The following GPR157 variants were observed in gnomAD, a reference collection of about 807,000 sequenced individuals.
GPR157 encodes G protein-coupled receptor 157, also known as G-protein coupled receptor 157.
A neutral mutation model predicts 23.5 loss-of-function variants in GPR157; 16 were observed. That is an observed-to-expected ratio of 0.68 (90% CI 0.46 to 1.04). GPR157 has a LOEUF of 1.04. Among genes scored for constraint, GPR157 ranks in the 50% least tolerant of loss-of-function variants. GPR157 has a pLI of 0.00. For synonymous variants in GPR157, 200 were observed against 221.5 expected, an observed-to-expected ratio of 0.90 and a Z score of 0.86; for missense variants, 440 against 460.7, an observed-to-expected ratio of 0.96 and a Z score of 0.41.
chr1:9,123,152 G>A (rs1209404641), intron 1 of GPR157, among the ~76,000 whole-genome samples: 2 of 122,922 alleles, frequency 1.6e-5, no homozygotes, highest in African/African-American at 7.0e-5. Context: ...GAGTGAAACT[G>A]TCTTGGGTGG....
intron 2 of GPR157, among the ~76,000 whole-genome samples, chr1:9,109,777 C>T (rs1476866320): frequency 2.0e-5 from 3 of 152,054 alleles, no homozygotes; most frequent in Non-Finnish European, 2.9e-5. Context: ...GGGTCTAGGG[C>T]GGGTGAGAAC....
Position 9,111,452 on chromosome 1 carries a change from C to T in GPR157, c.421G>A (p.Ala141Thr), listed in dbSNP as rs1326277930. 4 of 1,613,910 alleles carry T rather than the reference C, an allele frequency of 2.5e-6. No homozygotes were observed. The highest frequency in any genetic ancestry group is 4.5e-5 in the East Asian group (2 of 44,880). ...VPLVITVAAV[A>T]LKKIGYDASD... ...GCGTCATAGCCAATCTTCTTCAGGG[C>T]GACGGCTGCCACAGTGATGACCAAC... Residue 141 changes from alanine (A) to threonine (T), a missense_variant, in exon 2 of 4, where the codon GCC becomes ACC. Physicochemically the swap from Ala to Thr is moderately conservative, Grantham distance 58. Coordinates refer to ENST00000377411, the MANE Select transcript of GPR157 (RefSeq NM_024980.5).
intron 1 of GPR157, among the ~76,000 whole-genome samples, chr1:9,126,149 G>A (rs971937241): frequency 1.3e-5 from 2 of 152,010 alleles, no homozygotes; most frequent in Non-Finnish European, 2.9e-5. Context: ...GTAGAGACGC[G>A]GTTTTGCCAT....
chr1:9,103,096 TCC>T lies in GPR157; in HGVS notation c.*1321_*1322del, dbSNP rs1642585336. 1.8e-5 allele frequency: 1 copy of T among 55,764 alleles called. No homozygotes were observed. The highest frequency in any genetic ancestry group is 3.3e-5 in the Non-Finnish European group (1 of 30,504). The allele number at this position is 55,764 out of a possible 1,614,324, so 3.5% of individuals were successfully genotyped here. A position where few individuals can be genotyped will look rare whatever the true frequency, so the allele number is the denominator to read the frequency against. Reference sequence around the variant, plus strand: ...TCAGCTCCGGGCGACAGAATGAGGCTCCTTTTTTAAAAAAAAAAAAAAAAAAA... The same window carrying T: ...TCAGCTCCGGGCGACAGAATGAGGCTTTTTTTAAAAAAAAAAAAAAAAAAA... On this transcript the variant is annotated 3_prime_UTR_variant, in exon 4 of 4. Coordinates refer to ENST00000377411, the MANE Select transcript of GPR157 (RefSeq NM_024980.5).
intron 1 of GPR157, among the ~76,000 whole-genome samples, chr1:9,115,569 T>C (rs920788281): frequency 6.6e-6 from 1 of 152,114 alleles, no homozygotes; most frequent in Non-Finnish European, 1.5e-5. Context: ...ACTTCTTTGC[T>C]GAATCAGGTA....
chr1:9,123,535 T>TAAATATATATTTA, intron 1 of GPR157, among the ~76,000 whole-genome samples: 1 of 93,910 alleles, frequency 1.1e-5, no homozygotes, highest in Admixed American at 1.6e-4. Context: ...AATATATATT[T>TAAATATATATTTA]AAATATATCT....
At chr1:9,121,922 C>T (rs374566227) in intron 1 of GPR157, among the ~76,000 whole-genome samples, 19 of 152,254 alleles carry the variant, frequency 1.2e-4, no homozygotes, top group South Asian at 4.2e-4. Flanking sequence ...TGAACCGGCT[C>T]GGCCAGGACG....
At chr1:9,127,683 G>A (rs1638995270) in intron 1 of GPR157, among the ~76,000 whole-genome samples, 2 of 152,222 alleles carry the variant, frequency 1.3e-5, no homozygotes, top group Admixed American at 1.3e-4. Context: ...CTTGCCGTGT[G>A]ACACCCAGGT....
intron 1 of GPR157, among the ~76,000 whole-genome samples, chr1:9,112,166 C>T (rs533661045): frequency 6.6e-6 from 1 of 152,228 alleles, no homozygotes; most frequent in Admixed American, 6.5e-5. Context: ...AGCGTGCGAA[C>T]ACCTGTCCAT....
intron 1 of GPR157, among the ~76,000 whole-genome samples, chr1:9,119,623 C>G (rs1257193130): frequency 6.6e-6 from 1 of 152,120 alleles, no homozygotes; most frequent in Non-Finnish European, 1.5e-5. Flanking sequence ...TCCTGGCAGG[C>G]GGTACTATCC....
Position 9,104,522 on chromosome 1 carries a change from G to A in GPR157, c.905C>T (p.Pro302Leu). Reference sequence around the variant, plus strand: ...AGTGCCAGCCGGGCTCTTGGTGGGAGGCTGAGAAGAGCAGCAGCAGCAACA... The same window carrying A: ...AGTGCCAGCCGGGCTCTTGGTGGGAAGCTGAGAAGAGCAGCAGCAGCAACA... The part of the protein sequence containing the change: ...SLCCCCCSSQ[P>L]PTKSPAGTPK... Residue 302 changes from proline (P) to leucine (L), a missense_variant, in exon 4 of 4, where the codon CCT becomes CTT. Coordinates refer to ENST00000377411, the MANE Select transcript of GPR157 (RefSeq NM_024980.5). 1 of 1,613,954 alleles carries A rather than the reference G, an allele frequency of 6.2e-7. No homozygotes were observed. The highest frequency in any genetic ancestry group is 8.5e-7 in the Non-Finnish European group (1 of 1,179,984).
chr1:9,127,669 T>C (rs1284154322), intron 1 of GPR157, among the ~76,000 whole-genome samples: 1 of 152,214 alleles, frequency 6.6e-6, no homozygotes, highest in African/African-American at 2.4e-5. Flanking sequence ...TACAGCCCTG[T>C]AGCCTTGCCG....
chr1:9,127,592 G>A (rs1638990682), intron 1 of GPR157, among the ~76,000 whole-genome samples: 2 of 152,178 alleles, frequency 1.3e-5, no homozygotes, highest in South Asian at 4.1e-4. Flanking sequence ...GTACAGCTGA[G>A]AAGCAGGTCA....
At chr1:9,115,601 T>C (rs928328547) in intron 1 of GPR157, among the ~76,000 whole-genome samples, 3 of 152,072 alleles carry the variant, frequency 2.0e-5, no homozygotes, top group African/African-American at 7.2e-5. Context: ...CCCCCCACAC[T>C]GGGAGACTGT....
rs1639007777 is a variant in GPR157 at position 9,128,278 on chromosome 1, T to C, written c.383+367A>G. Reference sequence around the variant, plus strand: ...GCCCGGGACAGTTACCTAACTCGTCTCCCAGCCTGTTTCCCCATGGGCAGC... The same window carrying C: ...GCCCGGGACAGTTACCTAACTCGTCCCCCAGCCTGTTTCCCCATGGGCAGC... On this transcript the variant is annotated intron_variant, in intron 1 of 3. Transcript: ENST00000377411. The surrounding 1 kb of genome is among the most constrained non-coding windows in gnomAD (Gnocchi z 6.3). 2 of 524,422 alleles carry C rather than the reference T, an allele frequency of 3.8e-6. No homozygotes were observed. The highest frequency in any genetic ancestry group is 3.1e-5 in the South Asian group (2 of 65,214). The allele number at this position is 524,422 out of a possible 1,614,324, so 32.5% of individuals were successfully genotyped here.
intron 1 of GPR157, among the ~76,000 whole-genome samples, chr1:9,123,221 AATATATATTT>A (rs1557700465): frequency 2.8e-4 from 35 of 126,018 alleles, no homozygotes; most frequent in African/African-American, 1.0e-3. Context: ...TATTTATTAA[AATATATATTT>A]AAATATATAT....
intron 1 of GPR157, among the ~76,000 whole-genome samples, chr1:9,114,616 G>A (rs1557697183): frequency 6.6e-6 from 1 of 152,178 alleles, no homozygotes; most frequent in Non-Finnish European, 1.5e-5. Flanking sequence ...GAAACCGGGG[G>A]ACCACACGGA....
chr1:9,117,177 C>T (rs184947704), intron 1 of GPR157, among the ~76,000 whole-genome samples: 3 of 152,230 alleles, frequency 2.0e-5, no homozygotes, highest in Admixed American at 6.5e-5. Flanking sequence ...TAATACTGGT[C>T]GTATCTAACA....
At chr1:9,116,884 G>T (rs1365162804) in intron 1 of GPR157, among the ~76,000 whole-genome samples, 1 of 152,040 alleles carries the variant, frequency 6.6e-6, no homozygotes, top group Non-Finnish European at 1.5e-5. Flanking sequence ...GGGTACTACA[G>T]ACACATGCTA....
Sources: allele counts gnomAD v4.1 joint callset (sites outside exome capture counted in the v4.1 genomes callset), GRCh38; gene constraint gnomAD v4.1.1; non-coding constraint Gnocchi (gnomAD v3.1); transcripts MANE v1.5; gene names NCBI Gene and HGNC (gene_info 2026-07-23, HGNC 2026-07-21).